Variants in KATNA1 observed in about 807,000 individuals in gnomAD.
KATNA1 encodes the protein katanin catalytic subunit A1, also known as katanin p60 ATPase-containing subunit A1.
In KATNA1, 42 loss-of-function variants were observed where a neutral mutation model predicts 62.6. The observed-to-expected ratio is 0.67, with a 90% CI of 0.52 to 0.87. The LOEUF (loss-of-function observed/expected upper bound fraction) is 0.87. Among genes scored for constraint, KATNA1 ranks in the 40% least tolerant of loss-of-function variants. The pLI, the probability that KATNA1 is intolerant of heterozygous loss-of-function variation, is 0.00. For missense variants in KATNA1, 498 were observed against 612.5 expected (o/e 0.81, Z 1.97); for synonymous variants, 186 against 201.9 (o/e 0.92, Z 0.67).
intron 4 of KATNA1, among the ~76,000 whole-genome samples, chr6:149,622,726 C>T (rs888853108): frequency 5.8e-5 from 8 of 137,516 alleles, no homozygotes; most frequent in Non-Finnish European, 1.1e-4. Context: ...CACAATGGCT[C>T]ACACCTGTAA....
intron 6 of KATNA1, among the ~76,000 whole-genome samples, chr6:149,602,634 A>T (rs1025587209): frequency 6.6e-6 from 1 of 152,180 alleles, no homozygotes; most frequent in Non-Finnish European, 1.5e-5. Context: ...CAATCATGCA[A>T]CATGACATAT....
chr6:149,618,000 A>G (rs1287736497), intron 4 of KATNA1, among the ~76,000 whole-genome samples: 1 of 146,388 alleles, frequency 6.8e-6, no homozygotes. Context: ...ATATATATAT[A>G]TAAAATTAGC....
At chr6:149,611,102 C>T (rs1778936686) in intron 4 of KATNA1, among the ~76,000 whole-genome samples, 1 of 151,842 alleles carries the variant, frequency 6.6e-6, no homozygotes, top group Admixed American at 6.6e-5. Context: ...AAAAAAGTCT[C>T]AAATAATCAT....
chr6:149,631,702 G>GA (rs1779847867), intron 3 of KATNA1, among the ~76,000 whole-genome samples: 1 of 152,114 alleles, frequency 6.6e-6, no homozygotes, highest in South Asian at 2.1e-4. Flanking sequence ...TTTCTAGAAA[G>GA]GCATGACACA....
chr6:149,617,537 C>T (rs948519343), intron 4 of KATNA1, among the ~76,000 whole-genome samples: 1 of 152,240 alleles, frequency 6.6e-6, no homozygotes, highest in Non-Finnish European at 1.5e-5. Context: ...CGCAGTGGCT[C>T]ACGCCTGTAA....
At chr6:149,638,730 GTTTTT>G in intron 1 of KATNA1, 170 bp from the exon 2 acceptor site, 36 of 98,860 alleles carry the variant, frequency 3.6e-4, no homozygotes, top group South Asian at 1.1e-3. Flanking sequence ...AAAAAACATT[GTTTTT>G]TTTTTTTTTT....
At chr6:149,624,900 C>T (rs1015405065) in intron 3 of KATNA1, among the ~76,000 whole-genome samples, 7 of 150,068 alleles carry the variant, frequency 4.7e-5, no homozygotes, top group African/African-American at 1.5e-4. Flanking sequence ...AGCACCATGG[C>T]AATGGGAATG....
At chr6:149,597,987 T>C (rs1315990883) in intron 8 of KATNA1, 2 of 512,540 alleles carry the variant, frequency 3.9e-6, no homozygotes, top group Admixed American at 3.6e-5. Context: ...TAGTTGTATA[T>C]ACCAAAAGGG....
chr6:149,639,444 C>T lies in KATNA1; in HGVS notation c.-13-884G>A, dbSNP rs145379634. On this transcript the variant is annotated intron_variant, in intron 1 of 10. Coordinates refer to ENST00000367411, the MANE Select transcript of KATNA1 (RefSeq NM_007044.4). ...TGAAACTCGGTCTCTACTAAAAATACAAAAATTAGCTGGGCATGGTGGCAC... is the reference window on the plus strand; with the variant it reads ...TGAAACTCGGTCTCTACTAAAAATATAAAAATTAGCTGGGCATGGTGGCAC... Among the ~76,000 whole-genome samples the T allele has an allele frequency of 1.8e-3, 268 of 149,554 alleles. 1 individual carries two copies. Among genetic ancestry groups the T allele is most frequent in the African/African-American group, 6.3e-3 (254 of 40,610 alleles).
intron 1 of KATNA1, 170 bp from the exon 2 acceptor site, chr6:149,638,730 GTTTTTT>G (rs1217719467): frequency 7.1e-5 from 7 of 98,886 alleles, no homozygotes; most frequent in Middle Eastern, 6.7e-3. Context: ...AAAAAACATT[GTTTTTT>G]TTTTTTTTTT....
At chr6:149,623,465 G>T (rs760435253) in intron 3 of KATNA1, among the ~76,000 whole-genome samples, 182 bp from the exon 4 acceptor site, 1 of 152,082 alleles carries the variant, frequency 6.6e-6, no homozygotes, top group Non-Finnish European at 1.5e-5. Context: ...GGCAAGGCGC[G>T]GTGGCTCACA....
At chr6:149,642,719 T>G (rs980693820) in intron 1 of KATNA1, among the ~76,000 whole-genome samples, 9 of 152,136 alleles carry the variant, frequency 5.9e-5, no homozygotes, top group African/African-American at 2.2e-4. Flanking sequence ...AAATTAAAAA[T>G]ACATATGCTA....
rs79667976 is a variant in KATNA1, at chr6:149,636,149, T to C, written c.162+2237A>G. 3.6e-3 allele frequency among the ~76,000 whole-genome samples: 553 copies of C among 152,170 alleles called. 3 individuals are homozygous for C. Among genetic ancestry groups the C allele is most frequent in the African/African-American group, 0.013 (526 of 41,570 alleles). On this transcript the variant is annotated intron_variant, in intron 2 of 10. Transcript: ENST00000367411. ...GAAATTTAAGATGATAATGTTTTGC[T>C]TTATAACTTAAATGATTTAATCTTA...
At chr6:149,648,032 G>A (rs1203945469) in intron 1 of KATNA1, among the ~76,000 whole-genome samples, 2 of 152,110 alleles carry the variant, frequency 1.3e-5, no homozygotes, top group Non-Finnish European at 2.9e-5. Flanking sequence ...GAATAAATAA[G>A]AAATAACATC....
chr6:149,642,952 T>C (rs1268555399), intron 1 of KATNA1, among the ~76,000 whole-genome samples: 11 of 152,234 alleles, frequency 7.2e-5, no homozygotes. Context: ...CCTCTTGGTA[T>C]CTGTACCCTT....
chr6:149,622,458 A>G (rs10782310), intron 4 of KATNA1, among the ~76,000 whole-genome samples: 68,816 of 151,910 alleles, frequency 0.45, 16,747 homozygotes, highest in East Asian at 0.81. Flanking sequence ...GGTATACAGA[A>G]AAATAAAATG....
At chr6:149,603,507 T>A in intron 5 of KATNA1, 134 bp from the exon 6 acceptor site, 1 of 524,666 alleles carries the variant, frequency 1.9e-6, no homozygotes, top group Non-Finnish European at 3.4e-6. Context: ...CCGGGTGAAC[T>A]AATGCACTGT....
At chr6:149,598,077 C>G in intron 8 of KATNA1, 147 bp downstream of exon 8, 1 of 827,834 alleles carries the variant, frequency 1.2e-6, no homozygotes, top group Non-Finnish European at 1.9e-6. Context: ...TCAGGAACTT[C>G]TTGCCACCCC....
chr6:149,623,363 A>T (rs979139038), intron 3 of KATNA1, 80 bp from the exon 4 acceptor site: 15 of 1,033,962 alleles, frequency 1.5e-5, no homozygotes, highest in Non-Finnish European at 1.9e-5. Context: ...TTAAGAGTCT[A>T]TGAACTAAAG....
Sources: allele counts gnomAD v4.1 joint callset (sites outside exome capture counted in the v4.1 genomes callset), GRCh38; gene constraint gnomAD v4.1.1; transcripts MANE v1.5; gene names NCBI Gene and HGNC (gene_info 2026-07-23, HGNC 2026-07-21).